The following CEMIP2 variants were observed in gnomAD, a reference collection of about 807,000 sequenced individuals.
CEMIP2 encodes cell surface hyaluronidase CEMIP2.
In CEMIP2, 79 loss-of-function variants were observed where a neutral mutation model predicts 146.9. The ratio of observed to expected loss-of-function variants is 0.54; its 90% CI spans 0.45 to 0.65. The LOEUF (loss-of-function observed/expected upper bound fraction) is 0.65. Among genes scored for constraint, CEMIP2 ranks in the 30% least tolerant of loss-of-function variants. The pLI is 0.00. For missense variants in CEMIP2, 1,596 were observed against 1,696.2 expected, an observed-to-expected ratio of 0.94 and a Z score of 1.04; for synonymous variants, 601 against 606.3, an observed-to-expected ratio of 0.99 and a Z score of 0.13.
At chr9:71,692,141 A>C (rs1028335764) in intron 21 of CEMIP2, among the ~76,000 whole-genome samples, 3 of 151,054 alleles carry the variant, frequency 2.0e-5, no homozygotes, top group Non-Finnish European at 4.4e-5. Flanking sequence ...ACAACCAAAA[A>C]CCCCTAATGC....
chr9:71,718,161 G>A, intron 12 of CEMIP2, 82 bp from the exon 13 acceptor site: 1 of 1,281,106 alleles, frequency 7.8e-7, no homozygotes, highest in Non-Finnish European at 1.0e-6. Flanking sequence ...GTGTCAAGAA[G>A]CAGAATTTAA....
At chr9:71,741,827 G>T (rs1823929610) in intron 4 of CEMIP2, among the ~76,000 whole-genome samples, 1 of 151,608 alleles carries the variant, frequency 6.6e-6, no homozygotes, top group South Asian at 2.1e-4. Flanking sequence ...TTAATTTTTA[G>T]TAGAGACAGG....
chr9:71,716,525 G>T lies in CEMIP2; in HGVS notation c.2427C>A (p.Thr809=). Residue 809 remains threonine (T), a synonymous_variant, in exon 14 of 24, where the codon ACC becomes ACA. Transcript: ENST00000377044. Reference sequence around the variant, plus strand: ...TTTAAGCAATTACAAACCTGGCAAAGGTCAGTCCTATTCCATTATCTGCAA... The same window carrying T: ...TTTAAGCAATTACAAACCTGGCAAATGTCAGTCCTATTCCATTATCTGCAA... ...SAFADNGIGL[T]FASDGSFPSD... The T allele has an allele frequency of 6.3e-7, 1 of 1,597,576 alleles. No homozygotes were observed. Among genetic ancestry groups the T allele is most frequent in the Non-Finnish European group, 8.5e-7 (1 of 1,172,940 alleles).
intron 4 of CEMIP2, 58 bp downstream of exon 4, chr9:71,744,958 TCA>T (rs1824033098): frequency 2.6e-6 from 4 of 1,531,606 alleles, no homozygotes; most frequent in Non-Finnish European, 3.5e-6. Context: ...TTCCCCACCC[TCA>T]CTCTCCTCTC....
Position 71,757,041 on chromosome 9 carries a change from A to C in CEMIP2, c.-12-6656T>G, listed in dbSNP as rs72739807. 4.7e-3 allele frequency among the ~76,000 whole-genome samples: 710 copies of C among 152,294 alleles called. 47 individuals carry two copies. The South Asian group carries it at 0.13, about 27-fold the overall frequency. On this transcript the variant is annotated intron_variant, in intron 1 of 23. Coordinates refer to ENST00000377044, the MANE Select transcript of CEMIP2 (RefSeq NM_013390.3). Reference sequence around the variant, plus strand: ...GTGTTCTTTCAGCTGCTGAGATGTTAATATGCAAGACAAAGGTACTTATCA... The same window carrying C: ...GTGTTCTTTCAGCTGCTGAGATGTTCATATGCAAGACAAAGGTACTTATCA...
Position 71,725,555 on chromosome 9 carries a change from C to T in CEMIP2, c.2178+26G>A, listed in dbSNP as rs147504216. On this transcript the variant is annotated intron_variant, in intron 11 of 23. Coordinates refer to ENST00000377044, the MANE Select transcript of CEMIP2 (RefSeq NM_013390.3). ...TCCTTTACACTGTCTAGCATATGTA[C>T]TAATTGTTAAAACTTAGAAACCTAC... 7.8e-5 allele frequency: 125 copies of T among 1,610,206 alleles called. No individual in the cohort carries two copies. In the East Asian group the frequency reaches 2.7e-3, roughly 35 times the overall value.
At chr9:71,699,034 T>TA (rs34810834) in intron 19 of CEMIP2, among the ~76,000 whole-genome samples, 25 of 132,876 alleles carry the variant, frequency 1.9e-4, no homozygotes, top group South Asian at 4.8e-4. Context: ...CTGAGAGCAT[T>TA]AAAAAAAAAA....
intron 1 of CEMIP2, among the ~76,000 whole-genome samples, chr9:71,760,916 C>T (rs999077106): frequency 6.6e-6 from 1 of 152,156 alleles, no homozygotes; most frequent in African/African-American, 2.4e-5. Context: ...ATTAATATTT[C>T]TCATATTTCT....
chr9:71,715,940 T>C (rs1823045570), intron 14 of CEMIP2, among the ~76,000 whole-genome samples: 1 of 152,038 alleles, frequency 6.6e-6, no homozygotes, highest in Admixed American at 6.6e-5. Context: ...TATGAATTAA[T>C]AAATGATTTA....
At chr9:71,715,771 C>A (rs1823040603) in intron 14 of CEMIP2, among the ~76,000 whole-genome samples, 1 of 151,000 alleles carries the variant, frequency 6.6e-6, no homozygotes, top group African/African-American at 2.4e-5. Flanking sequence ...ACAGGCATGC[C>A]ACTATGCCTG....
At chr9:71,751,138 C>T (rs1824240447) in intron 1 of CEMIP2, among the ~76,000 whole-genome samples, 1 of 152,168 alleles carries the variant, frequency 6.6e-6, no homozygotes, top group African/African-American at 2.4e-5. Context: ...GTTAAGCGTA[C>T]AATTCAATGG....
At chr9:71,755,638 A>T (rs185298428) in intron 1 of CEMIP2, among the ~76,000 whole-genome samples, 7 of 152,112 alleles carry the variant, frequency 4.6e-5, no homozygotes, top group Admixed American at 3.3e-4. Context: ...ACACCACACT[A>T]TCTCATCCAT....
At chr9:71,742,070 G>A (rs370863894) in intron 4 of CEMIP2, among the ~76,000 whole-genome samples, 10 of 152,186 alleles carry the variant, frequency 6.6e-5, no homozygotes, top group Admixed American at 4.6e-4. Flanking sequence ...TTTAAAACAC[G>A]AAAAGAAAAA....
rs1022549383 is a variant in CEMIP2 at position 71,695,784 on chromosome 9, T to C, written c.3598-1177A>G. ...TCAAAAATTCCTGTGAATTTTCCTA[T>C]TTACTCCTAATATAAATGTGTTTGG... On this transcript the variant is annotated intron_variant, in intron 20 of 23. Coordinates refer to ENST00000377044, the MANE Select transcript of CEMIP2 (RefSeq NM_013390.3). Among the ~76,000 whole-genome samples the C allele has an allele frequency of 1.2e-4, 18 of 152,034 alleles. 1 individual carries two copies. Among genetic ancestry groups the C allele is most frequent in the Middle Eastern group, 3.4e-3 (1 of 290 alleles).
chr9:71,699,391 T>C (rs1822490489), intron 19 of CEMIP2: 1 of 447,286 alleles, frequency 2.2e-6, no homozygotes, highest in African/African-American at 2.1e-5. Flanking sequence ...GGCTGTAGTG[T>C]ACCACAACTA....
chr9:71,689,444 C>A (rs1372124281), intron 22 of CEMIP2, among the ~76,000 whole-genome samples: 2 of 152,194 alleles, frequency 1.3e-5, no homozygotes, highest in African/African-American at 2.4e-5. Context: ...GTCTCACCAA[C>A]CCAGAAAAAG....
At chr9:71,690,455 T>C (rs767749789) in intron 21 of CEMIP2, among the ~76,000 whole-genome samples, 2 of 152,244 alleles carry the variant, frequency 1.3e-5, no homozygotes, top group Non-Finnish European at 2.9e-5. Flanking sequence ...CTGCCTTGAC[T>C]GATGTTTGCT....
At chr9:71,760,633 A>C (rs889027674) in intron 1 of CEMIP2, among the ~76,000 whole-genome samples, 3 of 151,922 alleles carry the variant, frequency 2.0e-5, no homozygotes, top group Non-Finnish European at 4.4e-5. Flanking sequence ...TATCATGCCC[A>C]AAAAAAGAAA....
chr9:71,720,254 T>C (rs1823195644), intron 12 of CEMIP2, among the ~76,000 whole-genome samples: 1 of 151,236 alleles, frequency 6.6e-6, no homozygotes, highest in Admixed American at 6.6e-5. Context: ...TTTTCACGTC[T>C]TGAAGACACA....
Sources: gnomAD v4.1 joint callset for allele counts (sites outside exome capture counted in the v4.1 genomes callset) on GRCh38, gnomAD v4.1.1 for gene constraint, MANE v1.5 for transcripts, NCBI Gene and HGNC (gene_info 2026-07-23, HGNC 2026-07-21) for gene names.